Variants in PRKG1 observed in about 807,000 individuals in gnomAD.
PRKG1 encodes the protein protein kinase cGMP-dependent 1, also known as cGMP-dependent protein kinase 1.
A neutral mutation model predicts 88.1 loss-of-function variants in PRKG1; 35 were observed. That is an observed-to-expected ratio of 0.40 (90% confidence interval 0.30 to 0.53). PRKG1 has a LOEUF of 0.53. Among genes scored for constraint, PRKG1 ranks in the 20% least tolerant of loss-of-function variants. The pLI, the probability that PRKG1 is intolerant of heterozygous loss-of-function variation, is 0.59. For missense variants in PRKG1, 540 were observed against 839.8 expected (o/e 0.64, Z 4.41); for synonymous variants, 303 against 292.5 (o/e 1.04, Z -0.37).
chr10:52,222,829 C>T (rs1185633747), intron 9 of PRKG1, among the ~76,000 whole-genome samples: 1 of 152,164 alleles, frequency 6.6e-6, no homozygotes, highest in African/African-American at 2.4e-5. Flanking sequence ...AACATATTGC[C>T]TTGTAGTAAT....
At chr10:51,985,290 G>A (rs954096534) in intron 5 of PRKG1, among the ~76,000 whole-genome samples, 24 of 151,198 alleles carry the variant, frequency 1.6e-4, no homozygotes, top group African/African-American at 5.9e-4. Flanking sequence ...TGTTTCATGC[G>A]ATTGACAGAG....
At chr10:51,381,436 C>G (rs1023785752) in intron 2 of PRKG1, among the ~76,000 whole-genome samples, 3 of 151,990 alleles carry the variant, frequency 2.0e-5, no homozygotes, top group African/African-American at 7.2e-5. Flanking sequence ...AGCTGCTTCT[C>G]TTGGTGCAGT....
intron 5 of PRKG1, among the ~76,000 whole-genome samples, chr10:51,941,951 C>T (rs933357154): frequency 6.6e-6 from 1 of 151,994 alleles, no homozygotes; most frequent in Non-Finnish European, 1.5e-5. Flanking sequence ...ATTTATAGTC[C>T]TTTGGGTATA....
At chr10:51,962,053 A>G (rs1294641901) in intron 5 of PRKG1, among the ~76,000 whole-genome samples, 29 of 152,214 alleles carry the variant, frequency 1.9e-4, no homozygotes. Flanking sequence ...TGGGGACAAA[A>G]ATCCAAAATC....
chr10:51,646,792 TTAA>T (rs1324187503), intron 3 of PRKG1, among the ~76,000 whole-genome samples: 1 of 151,842 alleles, frequency 6.6e-6, no homozygotes, highest in East Asian at 1.9e-4. Context: ...ATATTTGGTC[TTAA>T]TGATGAGGCC....
At chr10:51,597,720 G>A (rs569077900) in intron 3 of PRKG1, among the ~76,000 whole-genome samples, 60 of 152,212 alleles carry the variant, frequency 3.9e-4, no homozygotes, top group African/African-American at 1.4e-3. Context: ...AGGTATGTGT[G>A]ACCTTCCAGA....
At chr10:51,193,704 T>A (rs1290245944) in intron 2 of PRKG1, among the ~76,000 whole-genome samples, 2 of 152,084 alleles carry the variant, frequency 1.3e-5, no homozygotes, top group African/African-American at 4.8e-5. Flanking sequence ...TATCCCTGGA[T>A]CCAACTTCCC....
chr10:51,966,624 G>A (rs12356995), intron 5 of PRKG1, among the ~76,000 whole-genome samples: 30,571 of 152,102 alleles, frequency 0.2, 3,994 homozygotes, highest in Non-Finnish European at 0.29. Flanking sequence ...CTGTGTTTGT[G>A]CACTGTGTGT....
intron 3 of PRKG1, among the ~76,000 whole-genome samples, chr10:51,636,722 A>C (rs1272780810): frequency 1.3e-5 from 2 of 152,182 alleles, no homozygotes; most frequent in African/African-American, 4.8e-5. Context: ...GTAAAGATCT[A>C]TTTGGCTCAT....
chr10:51,671,431 A>C (rs183012278), intron 3 of PRKG1, among the ~76,000 whole-genome samples: 1 of 152,276 alleles, frequency 6.6e-6, no homozygotes, highest in East Asian at 1.9e-4. Context: ...CTAAAGGAAG[A>C]TCTATTCCAT....
Position 51,947,649 on chromosome 10 carries a change from A to T in PRKG1, c.762+40079A>T, listed in dbSNP as rs185650924. 7.2e-5 allele frequency among the ~76,000 whole-genome samples: 11 copies of T among 152,280 alleles called. No individual in the cohort carries two copies. The East Asian group carries it at 2.1e-3, about 29-fold the overall frequency. On this transcript the variant is annotated intron_variant, in intron 5 of 17. Transcript: ENST00000373980. Reference sequence around the variant, plus strand: ...GTTTTAAATTCATAAAGTGTGAAGGACACTCAAGCAGGTTCATGGGCTGAG... The same window carrying T: ...GTTTTAAATTCATAAAGTGTGAAGGTCACTCAAGCAGGTTCATGGGCTGAG...
At chr10:51,728,604 A>G (rs1842198070) in intron 3 of PRKG1, among the ~76,000 whole-genome samples, 1 of 151,970 alleles carries the variant, frequency 6.6e-6, no homozygotes, top group Non-Finnish European at 1.5e-5. Context: ...ATATTAAATG[A>G]GAGTTATTTT....
intron 8 of PRKG1, among the ~76,000 whole-genome samples, chr10:52,142,962 TTGAAA>T (rs1180927405): frequency 6.6e-6 from 1 of 152,158 alleles, no homozygotes; most frequent in Non-Finnish European, 1.5e-5. Context: ...CTACTATCTA[TTGAAA>T]TGAACGAATG....
chr10:52,019,960 A>C (rs901714824), intron 5 of PRKG1, among the ~76,000 whole-genome samples: 1 of 152,210 alleles, frequency 6.6e-6, no homozygotes, highest in African/African-American at 2.4e-5. Flanking sequence ...AAAGGCAAAC[A>C]ATGAAGATAG....
At chr10:51,341,311 A>G (rs1033757079) in intron 2 of PRKG1, among the ~76,000 whole-genome samples, 1 of 152,210 alleles carries the variant, frequency 6.6e-6, no homozygotes, top group Non-Finnish European at 1.5e-5. Flanking sequence ...GAGGTTTTAT[A>G]TTGTAAAAGT....
At chr10:51,677,019 C>T (rs1013464409) in intron 3 of PRKG1, among the ~76,000 whole-genome samples, 6 of 152,106 alleles carry the variant, frequency 3.9e-5, no homozygotes, top group African/African-American at 1.4e-4. Context: ...CCCTAAAGCC[C>T]CCTGTATGTG....
chr10:51,787,887 G>A (rs924290638), intron 3 of PRKG1, among the ~76,000 whole-genome samples: 2 of 152,148 alleles, frequency 1.3e-5, no homozygotes, highest in South Asian at 4.1e-4. Context: ...CAGGCATGAG[G>A]AGATGACACA....
Position 52,297,896 on chromosome 10 carries a change from G to A in PRKG1, c.*3996G>A, listed in dbSNP as rs1207303422. 1 of 152,082 alleles carries A rather than the reference G, an allele frequency of 6.6e-6. No individual in the cohort carries two copies. Among genetic ancestry groups the A allele is most frequent in the Non-Finnish European group, 1.5e-5 (1 of 68,024 alleles). The allele number at this position is 152,082 out of a possible 1,614,324, so 9.4% of individuals were successfully genotyped here. A position where few individuals can be genotyped will look rare whatever the true frequency, so the allele number is the denominator to read the frequency against. Reference sequence around the variant, plus strand: ...TCTTGTATATGCAAATCATTTACGAGGCAAGTTTTCAACAGACCTAGAAAG... The same window carrying A: ...TCTTGTATATGCAAATCATTTACGAAGCAAGTTTTCAACAGACCTAGAAAG... On this transcript the variant is annotated 3_prime_UTR_variant, in exon 18 of 18. Transcript: ENST00000373980.
At chr10:52,202,467 A>G (rs1466701112) in intron 9 of PRKG1, among the ~76,000 whole-genome samples, 2 of 152,062 alleles carry the variant, frequency 1.3e-5, no homozygotes, top group African/African-American at 4.8e-5. Context: ...ATCTATGTTC[A>G]TCAAGGATAT....
Sources: allele counts gnomAD v4.1 joint callset (sites outside exome capture counted in the v4.1 genomes callset), GRCh38; gene constraint gnomAD v4.1.1; transcripts MANE v1.5; gene names NCBI Gene and HGNC (gene_info 2026-07-23, HGNC 2026-07-21).